DISP1: variants seen among roughly 807,000 people sequenced by gnomAD.
DISP1 encodes the protein dispatched RND transporter family member 1.
A neutral mutation model predicts 37.3 loss-of-function variants in DISP1; 30 were observed. The observed-to-expected ratio is 0.80, with a 90% CI of 0.60 to 1.09. DISP1 has a LOEUF of 1.09. Ranked by LOEUF, DISP1 falls within the 50% of genes least tolerant of loss-of-function variation. The pLI, the probability that DISP1 is intolerant of heterozygous loss-of-function variation, is 0.00. For missense variants in DISP1, 1,598 were observed against 1,879.5 expected, an observed-to-expected ratio of 0.85 and a Z score of 2.77; for synonymous variants, 634 against 690.2, an observed-to-expected ratio of 0.92 and a Z score of 1.28.
chr1:222,973,417 T>C (rs1380685200), intron 3 of DISP1, among the ~76,000 whole-genome samples: 1 of 152,232 alleles, frequency 6.6e-6, no homozygotes, highest in African/African-American at 2.4e-5. Flanking sequence ...TCTTTTTTCA[T>C]ATGAATACAG....
intron 1 of DISP1, among the ~76,000 whole-genome samples, chr1:222,862,836 C>G (rs1042408364): frequency 6.6e-6 from 1 of 152,114 alleles, no homozygotes; most frequent in African/African-American, 2.4e-5. Flanking sequence ...CAGCGTCAGT[C>G]GTATCTTTTG....
intron 1 of DISP1, among the ~76,000 whole-genome samples, chr1:222,921,599 A>G (rs1164602198): frequency 4.6e-5 from 7 of 152,224 alleles, no homozygotes; most frequent in Non-Finnish European, 8.8e-5. Context: ...AAAGCTGAGA[A>G]TAGTGTAACA....
chr1:222,824,786 G>A (rs1345617667), intron 1 of DISP1, among the ~76,000 whole-genome samples: 2 of 151,994 alleles, frequency 1.3e-5, no homozygotes, highest in Non-Finnish European at 2.9e-5. Flanking sequence ...TGGAATGTGA[G>A]GCTGGAACCT....
rs1674519298 is a variant in DISP1, at chr1:222,943,290, A to AT, written c.471dup (p.Gln158SerfsTer58). The AT allele has an allele frequency of 6.2e-7, 1 of 1,614,052 alleles. No homozygotes were observed. Among genetic ancestry groups the AT allele is most frequent in the African/African-American group, 1.3e-5 (1 of 74,914 alleles). On this transcript the variant is annotated frameshift_variant, in exon 3 of 9. Coordinates refer to ENST00000675850, the MANE Select transcript of DISP1 (RefSeq NM_001377229.1). LOFTEE classifies it high-confidence loss of function. ...TGCCTGCATCATCCGTGGCCTGACC[A>AT]TTTTCAGCATCAGCCTGTGCAACAG...
chr1:222,963,595 A>T (rs1676226368), intron 3 of DISP1, among the ~76,000 whole-genome samples: 1 of 152,206 alleles, frequency 6.6e-6, no homozygotes, highest in Non-Finnish European at 1.5e-5. Flanking sequence ...ATTATAAGGA[A>T]CAAGATCATG....
intron 8 of DISP1, among the ~76,000 whole-genome samples, chr1:222,997,440 G>C (rs1200816246): frequency 6.6e-6 from 1 of 152,128 alleles, no homozygotes; most frequent in African/African-American, 2.4e-5. Context: ...TAAAAGAAGT[G>C]TGACACTGTG....
intron 1 of DISP1, among the ~76,000 whole-genome samples, chr1:222,904,166 A>G (rs1671769015): frequency 1.3e-5 from 2 of 152,204 alleles, no homozygotes; most frequent in Admixed American, 1.3e-4. Flanking sequence ...AAAGGTTTAG[A>G]CATCTTTTAA....
chr1:222,892,503 G>T (rs867142987), intron 1 of DISP1, among the ~76,000 whole-genome samples: 1 of 152,112 alleles, frequency 6.6e-6, no homozygotes, highest in Non-Finnish European at 1.5e-5. Context: ...TCTTAAATTG[G>T]TCATTTGGAC....
At chr1:222,961,612 G>T (rs1676061561) in intron 3 of DISP1, among the ~76,000 whole-genome samples, 1 of 152,124 alleles carries the variant, frequency 6.6e-6, no homozygotes, top group African/African-American at 2.4e-5. Flanking sequence ...TGGAAGTTCT[G>T]GCCAGGACAA....
chr1:222,818,844 A>G (rs1181967684), intron 1 of DISP1, among the ~76,000 whole-genome samples: 2 of 152,260 alleles, frequency 1.3e-5, no homozygotes, highest in Non-Finnish European at 2.9e-5. Flanking sequence ...CCTGGGTGCT[A>G]TAACCTAACC....
At chr1:222,979,309 A>G (rs1677651653) in intron 3 of DISP1, among the ~76,000 whole-genome samples, 1 of 152,180 alleles carries the variant, frequency 6.6e-6, no homozygotes, top group Non-Finnish European at 1.5e-5. Flanking sequence ...ACTACTCAGG[A>G]GGCTGAGGTG....
intron 1 of DISP1, among the ~76,000 whole-genome samples, chr1:222,826,744 A>G (rs1168007406): frequency 6.6e-6 from 1 of 152,086 alleles, no homozygotes. Context: ...TCTTTACATT[A>G]TTATATATCT....
At chr1:222,888,306 G>T (rs1670747888) in intron 1 of DISP1, among the ~76,000 whole-genome samples, 1 of 151,998 alleles carries the variant, frequency 6.6e-6, no homozygotes. Context: ...ATATAGGCTG[G>T]CTACTTACTG....
At chr1:222,901,423 G>A (rs1572463996) in intron 1 of DISP1, among the ~76,000 whole-genome samples, 1 of 152,170 alleles carries the variant, frequency 6.6e-6, no homozygotes, top group Admixed American at 6.6e-5. Context: ...AAAGTACTGA[G>A]GGAAATAAGA....
chr1:222,878,307 A>G (rs1023792447), intron 1 of DISP1, among the ~76,000 whole-genome samples: 1 of 152,190 alleles, frequency 6.6e-6, no homozygotes, highest in African/African-American at 2.4e-5. Flanking sequence ...TTTTTTGCCA[A>G]TAACTGTTCA....
intron 3 of DISP1, among the ~76,000 whole-genome samples, chr1:222,972,180 G>A (rs899305490): frequency 2.6e-5 from 4 of 151,674 alleles, no homozygotes; most frequent in Non-Finnish European, 4.4e-5. Context: ...TATAAACTTC[G>A]GTTTATCCAA....
chr1:222,983,216 ATTTT>A, intron 4 of DISP1, 107 bp downstream of exon 4: 1 of 908,294 alleles, frequency 1.1e-6, no homozygotes, highest in Non-Finnish European at 1.8e-6. Flanking sequence ...CCTCATTCAT[ATTTT>A]TATGAAAGAA....
At chr1:222,971,729 T>C (rs1051946476) in intron 3 of DISP1, among the ~76,000 whole-genome samples, 1 of 152,136 alleles carries the variant, frequency 6.6e-6, no homozygotes, top group African/African-American at 2.4e-5. Flanking sequence ...AAATTTGAGA[T>C]GGGATCTTAG....
chr1:222,875,654 T>A (rs1310363199), intron 1 of DISP1, among the ~76,000 whole-genome samples: 26 of 93,670 alleles, frequency 2.8e-4, no homozygotes, highest in Middle Eastern at 6.5e-3. Flanking sequence ...CTGTCTCTAC[T>A]AAAAAAAAAA....
Sources: allele counts gnomAD v4.1 joint callset (sites outside exome capture counted in the v4.1 genomes callset), GRCh38; gene constraint gnomAD v4.1.1; transcripts MANE v1.5; gene names NCBI Gene and HGNC (gene_info 2026-07-23, HGNC 2026-07-21).